ARHGAP10: variants seen among roughly 807,000 people sequenced by gnomAD.
ARHGAP10 encodes the protein rho GTPase-activating protein 10.
Under a neutral mutation model 108.6 loss-of-function variants are expected in ARHGAP10, and 87 were observed. The observed-to-expected ratio is 0.80, with a 90% confidence interval of 0.67 to 0.96. The LOEUF (loss-of-function observed/expected upper bound fraction) is 0.96, where lower values mean the gene tolerates loss of function less well. Among genes scored for constraint, ARHGAP10 ranks in the 40% least tolerant of loss-of-function variants. The pLI is 0.00. For missense variants in ARHGAP10, 939 were observed against 954.5 expected (o/e 0.98, Z 0.21); for synonymous variants, 347 against 341.1 (o/e 1.02, Z -0.19).
chr4:147,977,918 T>C (rs1227502312), intron 18 of ARHGAP10, among the ~76,000 whole-genome samples: 1 of 152,182 alleles, frequency 6.6e-6, no homozygotes, highest in Non-Finnish European at 1.5e-5. Flanking sequence ...AGTAGTTCGT[T>C]TTCTGTTTCT....
intron 19 of ARHGAP10, among the ~76,000 whole-genome samples, chr4:148,036,635 C>T (rs1451788480): frequency 6.6e-6 from 1 of 152,192 alleles, no homozygotes; most frequent in East Asian, 1.9e-4. Flanking sequence ...AACTATGAGT[C>T]AATTAAACCT....
chr4:147,826,669 C>T (rs1289366899), intron 3 of ARHGAP10, among the ~76,000 whole-genome samples: 1 of 152,188 alleles, frequency 6.6e-6, no homozygotes, highest in Non-Finnish European at 1.5e-5. Flanking sequence ...AGTCTCGTTT[C>T]TCCTGTGATC....
rs892538737 is a variant in ARHGAP10 at position 147,912,041 on chromosome 4, A to G, written c.1163-1033A>G. ...TGTGTGTGTGTGTGTGTGTGTGTGT[A>G]TAGTTTTCTTTAACTGAGCTGCTGT... On this transcript the variant is annotated intron_variant, in intron 12 of 22. Coordinates refer to ENST00000336498, the MANE Select transcript of ARHGAP10 (RefSeq NM_024605.4). Among the ~76,000 whole-genome samples the G allele has an allele frequency of 1.5e-3, 208 of 136,872 alleles. 1 individual carries two copies. Among genetic ancestry groups the G allele is most frequent in the African/African-American group, 4.3e-3 (151 of 34,958 alleles). The allele number at this position is 136,872 out of a possible 152,430, so 89.8% of individuals were successfully genotyped here.
intron 18 of ARHGAP10, among the ~76,000 whole-genome samples, chr4:148,020,491 G>A (rs1741524254): frequency 6.6e-6 from 1 of 151,454 alleles, no homozygotes; most frequent in South Asian, 2.1e-4. Flanking sequence ...CACCCCAGGT[G>A]TCCATGGGTT....
chr4:147,732,956 C>T (rs1285671496), intron 1 of ARHGAP10, among the ~76,000 whole-genome samples: 3 of 152,192 alleles, frequency 2.0e-5, no homozygotes, highest in Non-Finnish European at 4.4e-5. Context: ...TCACCTTTTC[C>T]CTCTCATTGT....
chr4:147,747,363 C>T (rs1441853788), intron 1 of ARHGAP10, among the ~76,000 whole-genome samples: 1 of 152,198 alleles, frequency 6.6e-6, no homozygotes, highest in African/African-American at 2.4e-5. Flanking sequence ...TATCTATTAT[C>T]TAAAAATATC....
At chr4:147,851,682 C>T (rs1053155251) in intron 4 of ARHGAP10, among the ~76,000 whole-genome samples, 5 of 152,220 alleles carry the variant, frequency 3.3e-5, no homozygotes, top group Admixed American at 6.5e-5. Context: ...ATAAAACACA[C>T]TAGTGCCTAT....
At chr4:147,848,722 A>G (rs10030513) in intron 4 of ARHGAP10, among the ~76,000 whole-genome samples, 19,731 of 152,214 alleles carry the variant, frequency 0.13, 1,363 homozygotes, top group African/African-American at 0.19. Flanking sequence ...GCGAGTGAAT[A>G]TATTTACTTT....
chr4:148,071,556 C>T (rs1730179230), intron 22 of ARHGAP10, among the ~76,000 whole-genome samples: 3 of 152,098 alleles, frequency 2.0e-5, no homozygotes, highest in Admixed American at 2.0e-4. Context: ...GCAGAGATTG[C>T]AGTGAGCCGA....
At chr4:147,902,879 C>A (rs1736306534) in intron 10 of ARHGAP10, among the ~76,000 whole-genome samples, 1 of 134,184 alleles carries the variant, frequency 7.5e-6, no homozygotes, top group Non-Finnish European at 1.5e-5. Flanking sequence ...GTATGTCTTA[C>A]ATGGCCAGAT....
intron 20 of ARHGAP10, among the ~76,000 whole-genome samples, chr4:148,062,164 G>A (rs574491146): frequency 1.2e-3 from 188 of 152,326 alleles, no homozygotes; most frequent in African/African-American, 4.3e-3. Flanking sequence ...GGTAAACTTG[G>A]CCCTAGGTTG....
chr4:147,789,388 C>A (rs1220121595), intron 1 of ARHGAP10, among the ~76,000 whole-genome samples: 1 of 152,346 alleles, frequency 6.6e-6, no homozygotes, highest in South Asian at 2.1e-4. Flanking sequence ...CTCCCCGGTT[C>A]AAGCGATTCT....
chr4:148,067,998 C>T (rs770961700), intron 22 of ARHGAP10, among the ~76,000 whole-genome samples: 5 of 150,400 alleles, frequency 3.3e-5, no homozygotes, highest in African/African-American at 4.9e-5. Context: ...CCCCCACCCT[C>T]GGGAGAGGGC....
chr4:147,956,179 C>G (rs1169647995), intron 16 of ARHGAP10, among the ~76,000 whole-genome samples: 6 of 152,166 alleles, frequency 3.9e-5, no homozygotes, highest in Non-Finnish European at 8.8e-5. Flanking sequence ...TTGGTTTTCA[C>G]AGGTGCACTG....
intron 1 of ARHGAP10, among the ~76,000 whole-genome samples, chr4:147,739,539 C>G (rs1228240435): frequency 6.6e-6 from 1 of 152,104 alleles, no homozygotes; most frequent in Non-Finnish European, 1.5e-5. Flanking sequence ...TGCTGGAAAT[C>G]CTAACAGCTT....
intron 12 of ARHGAP10, 22 bp downstream of exon 12, chr4:147,909,799 T>C: frequency 6.3e-7 from 1 of 1,594,604 alleles, no homozygotes; most frequent in Non-Finnish European, 8.6e-7. Flanking sequence ...TTTATAAAAA[T>C]GATTGTATCC....
At chr4:147,950,260 T>G (rs1337013701) in intron 15 of ARHGAP10, among the ~76,000 whole-genome samples, 1 of 152,176 alleles carries the variant, frequency 6.6e-6, no homozygotes, top group African/African-American at 2.4e-5. Context: ...AATTGACCCT[T>G]TTTTTTCTCT....
At chr4:148,042,773 A>G (rs760311486) in intron 19 of ARHGAP10, among the ~76,000 whole-genome samples, 3 of 152,194 alleles carry the variant, frequency 2.0e-5, no homozygotes, top group Non-Finnish European at 4.4e-5. Context: ...ATGCCTTTGT[A>G]CATAAGGAGA....
intron 18 of ARHGAP10, among the ~76,000 whole-genome samples, chr4:148,001,212 A>T (rs2149645184): frequency 6.6e-6 from 1 of 152,278 alleles, no homozygotes; most frequent in South Asian, 2.1e-4. Context: ...TTTGTCAAAG[A>T]TCATACGGTT....
Sources: gnomAD v4.1 joint callset for allele counts (sites outside exome capture counted in the v4.1 genomes callset) on GRCh38, gnomAD v4.1.1 for gene constraint, MANE v1.5 for transcripts, NCBI Gene and HGNC (gene_info 2026-07-23, HGNC 2026-07-21) for gene names.